GRIN2A: variants seen among roughly 807,000 people sequenced by gnomAD.
GRIN2A encodes glutamate ionotropic receptor NMDA type subunit 2A, also known as glutamate receptor ionotropic, NMDA 2A.
In GRIN2A, 22 loss-of-function variants were observed where a neutral mutation model predicts 113.4. The ratio of observed to expected loss-of-function variants is 0.19; its 90% CI spans 0.14 to 0.28. The LOEUF is 0.28. Ranked by LOEUF, GRIN2A falls within the 10% of genes least tolerant of loss-of-function variation. GRIN2A has a pLI of 1.00. For synonymous variants in GRIN2A, 827 were observed against 738.4 expected (o/e 1.12, Z -1.94); for missense variants, 1,502 against 1,887.0 (o/e 0.80, Z 3.78).
chr16:9,979,177 G>A (rs1364011758), intron 2 of GRIN2A, among the ~76,000 whole-genome samples: 1 of 152,150 alleles, frequency 6.6e-6, no homozygotes, highest in African/African-American at 2.4e-5. Context: ...CTGGAGTCTG[G>A]TGAAGAAGAT....
intron 11 of GRIN2A, among the ~76,000 whole-genome samples, chr16:9,786,708 T>C (rs1048809614): frequency 6.6e-6 from 1 of 152,208 alleles, no homozygotes; most frequent in Non-Finnish European, 1.5e-5. Flanking sequence ...GGCGCCCTCC[T>C]GCATAGGTAC....
At chr16:9,968,652 G>A (rs577259017) in intron 2 of GRIN2A, among the ~76,000 whole-genome samples, 6 of 152,174 alleles carry the variant, frequency 3.9e-5, no homozygotes, top group Non-Finnish European at 8.8e-5. Flanking sequence ...TTGTTACCCA[G>A]GCGGGAGTGC....
chr16:9,976,259 G>C (rs1858418750), intron 2 of GRIN2A, among the ~76,000 whole-genome samples: 1 of 152,188 alleles, frequency 6.6e-6, no homozygotes, highest in Non-Finnish European at 1.5e-5. Context: ...ACTACTATGT[G>C]AGTCTGTGTT....
At chr16:10,115,891 C>T (rs1404241164) in intron 2 of GRIN2A, among the ~76,000 whole-genome samples, 2 of 152,146 alleles carry the variant, frequency 1.3e-5, no homozygotes, top group Non-Finnish European at 2.9e-5. Flanking sequence ...TTAGTTCAAC[C>T]ATTGTGGAAG....
At chr16:10,059,249 T>C (rs188706630) in intron 2 of GRIN2A, among the ~76,000 whole-genome samples, 3 of 151,552 alleles carry the variant, frequency 2.0e-5, no homozygotes, top group East Asian at 2.0e-4. Flanking sequence ...ATGGAAGCAG[T>C]GTATGCAGGG....
intron 3 of GRIN2A, among the ~76,000 whole-genome samples, chr16:9,917,929 T>G (rs2044282677): frequency 6.6e-6 from 1 of 152,338 alleles, no homozygotes; most frequent in African/African-American, 2.4e-5. Flanking sequence ...TGAAACATAC[T>G]TAATTAAGCT....
intron 4 of GRIN2A, among the ~76,000 whole-genome samples, chr16:9,877,545 A>G (rs763595134): frequency 6.6e-6 from 1 of 151,954 alleles, no homozygotes; most frequent in Non-Finnish European, 1.5e-5. Flanking sequence ...TAATTAGAAA[A>G]GAAAATTTGC....
At chr16:9,882,381 T>C (rs1001609741) in intron 4 of GRIN2A, among the ~76,000 whole-genome samples, 3 of 152,196 alleles carry the variant, frequency 2.0e-5, no homozygotes, top group Admixed American at 2.0e-4. Context: ...TTATCATATC[T>C]GTACTAGGAA....
rs748967552 is a variant in GRIN2A, at chr16:9,764,144, G to T, written c.3400C>A (p.Gln1134Lys). The change falls in exon 13 of 13, where the codon CAG (glutamine) becomes AAG (lysine). Residue 1134 changes from glutamine (Q) to lysine (K), a missense_variant. Around this residue, in one of 7 missense-constraint regions of GRIN2A, gnomAD observed 832 missense variants for 789.7 expected, o/e 1.05. Coordinates refer to ENST00000330684, the MANE Select transcript of GRIN2A (RefSeq NM_001134407.3). ...KEPGFHLDPP[Q>K]FVENVTLPEN... ...GGCAGGGTCACATTTTCAACAAACT[G>T]GGGTGGATCTAAGTGGAAACCAGGC... is the stretch of plus-strand genomic sequence containing the variant. The T allele has an allele frequency of 1.4e-5, 23 of 1,613,418 alleles. No individual in the cohort carries two copies. The highest frequency in any genetic ancestry group is 1.8e-5 in the Non-Finnish European group (21 of 1,179,578).
At position 9,813,424 on chromosome 16, in the gene GRIN2A, T is replaced by C. The variant is rs1466551232; in HGVS notation, c.2168+8840A>G. Among the ~76,000 whole-genome samples the C allele has an allele frequency of 4.6e-5, 7 of 152,288 alleles. No homozygotes were observed. In the South Asian group the frequency reaches 8.3e-4, roughly 18 times the overall value. ...AAGTAATACTGTGTTGCTGAAAATT[T>C]GTTAAATGTAAAAAGATGTAAAGTC... On this transcript the variant is annotated intron_variant, in intron 10 of 12. Transcript: ENST00000330684.
intron 2 of GRIN2A, among the ~76,000 whole-genome samples, chr16:9,988,268 G>GTT (rs2046019886): frequency 8.2e-6 from 1 of 121,768 alleles, no homozygotes; most frequent in African/African-American, 3.1e-5. Flanking sequence ...GATCCATAGG[G>GTT]GTGTGTGTGT....
At chr16:9,829,124 G>C (rs950328519) in intron 9 of GRIN2A, among the ~76,000 whole-genome samples, 1 of 152,160 alleles carries the variant, frequency 6.6e-6, no homozygotes, top group Non-Finnish European at 1.5e-5. Flanking sequence ...CTAAGCACTT[G>C]AGTCATAGGT....
At chr16:9,897,310 A>G (rs2043826490) in intron 3 of GRIN2A, among the ~76,000 whole-genome samples, 1 of 152,128 alleles carries the variant, frequency 6.6e-6, no homozygotes. Context: ...CAGGTTAAAT[A>G]AACATTCCTC....
intron 3 of GRIN2A, among the ~76,000 whole-genome samples, chr16:9,910,425 T>C (rs1437214207): frequency 1.3e-5 from 2 of 151,810 alleles, no homozygotes; most frequent in Non-Finnish European, 2.9e-5. Flanking sequence ...AGCAAGCAGA[T>C]GGCTGAATAG....
intron 2 of GRIN2A, among the ~76,000 whole-genome samples, chr16:9,964,026 T>C (rs2045500409): frequency 6.6e-6 from 1 of 152,178 alleles, no homozygotes; most frequent in Non-Finnish European, 1.5e-5. Context: ...GGTGTCTTGA[T>C]GCACAGCAGG....
intron 2 of GRIN2A, among the ~76,000 whole-genome samples, chr16:10,053,201 C>T (rs1471160353): frequency 2.0e-5 from 3 of 152,126 alleles, no homozygotes; most frequent in African/African-American, 4.8e-5. Flanking sequence ...CTGAAACTTT[C>T]CAAATTCAGC....
rs551925368 is a variant in GRIN2A at position 10,075,428 on chromosome 16, C to G, written c.414+104570G>C. On this transcript the variant is annotated intron_variant, in intron 2 of 12. Transcript: ENST00000330684. ...AGACAGAAAGTAGAATAGTAGTTAC[C>G]AGGGACCAAGCAGCGGGGCGGAATG... is the stretch of plus-strand genomic sequence containing the variant. Among the ~76,000 whole-genome samples, 5 of 151,928 alleles carry G rather than the reference C, an allele frequency of 3.3e-5. No individual in the cohort carries two copies. The South Asian group carries it at 1.0e-3, about 32-fold the overall frequency.
intron 2 of GRIN2A, among the ~76,000 whole-genome samples, chr16:10,137,589 T>A (rs2142241540): frequency 6.6e-6 from 1 of 152,346 alleles, no homozygotes; most frequent in African/African-American, 2.4e-5. Flanking sequence ...GTCAGCTGGC[T>A]GTATGGCCAC....
At chr16:9,936,258 G>C (rs118028980) in intron 3 of GRIN2A, among the ~76,000 whole-genome samples, 4,444 of 152,242 alleles carry the variant, frequency 0.029, 103 homozygotes, top group Non-Finnish European at 0.042. Flanking sequence ...CTGAGATTGA[G>C]GCCCAGTAAT....
Sources: allele counts gnomAD v4.1 joint callset (sites outside exome capture counted in the v4.1 genomes callset), GRCh38; gene constraint gnomAD v4.1.1; regional missense constraint gnomAD v4.1.1; transcripts MANE v1.5; gene names NCBI Gene and HGNC (gene_info 2026-07-23, HGNC 2026-07-21).